Variants in CLIP4 observed in about 807,000 individuals in gnomAD.
CLIP4 encodes the protein CAP-Gly domain-containing linker protein 4.
In CLIP4, 47 loss-of-function variants were observed where a neutral mutation model predicts 73.1. The observed-to-expected ratio is 0.64, with a 90% CI of 0.51 to 0.82. CLIP4 has a LOEUF of 0.82. CLIP4 is among the 40% of genes least tolerant of loss of function. The pLI is 0.00. For missense variants in CLIP4, 874 were observed against 852.9 expected (o/e 1.02, Z -0.31); for synonymous variants, 306 against 295.4 (o/e 1.04, Z -0.37).
At chr2:29,100,049 T>C (rs1380165905) in intron 1 of CLIP4, among the ~76,000 whole-genome samples, 1 of 152,194 alleles carries the variant, frequency 6.6e-6, no homozygotes. Flanking sequence ...TTATTTCAAA[T>C]TTTAATCTGT....
At chr2:29,112,780 G>C (rs1042419355), upstream of CLIP4, among the ~76,000 whole-genome samples, 1 of 152,260 alleles carries the variant, frequency 6.6e-6, no homozygotes, top group South Asian at 2.1e-4. Context: ...AATTCTGACA[G>C]TTGGGTGTCT....
chr2:29,128,866 A>G (rs1424212645), intron 2 of CLIP4, among the ~76,000 whole-genome samples: 2 of 152,130 alleles, frequency 1.3e-5, no homozygotes, highest in Non-Finnish European at 2.9e-5. Flanking sequence ...ATCTATGTAA[A>G]TACACCATAA....
intron 9 of CLIP4, 143 bp from the exon 10 acceptor site, chr2:29,156,211 C>A (rs746973710): frequency 1.8e-6 from 1 of 550,238 alleles, no homozygotes; most frequent in Non-Finnish European, 3.2e-6. Context: ...AAAACATGTC[C>A]TCATATGTCT....
chr2:29,126,710 A>C (rs1461976111), intron 2 of CLIP4, among the ~76,000 whole-genome samples: 3 of 152,210 alleles, frequency 2.0e-5, no homozygotes, highest in African/African-American at 7.2e-5. Context: ...GGTTGATGTC[A>C]TCAGATGTTT....
At chr2:29,122,258 A>G (rs989652496) in intron 2 of CLIP4, among the ~76,000 whole-genome samples, 3 of 117,908 alleles carry the variant, frequency 2.5e-5, no homozygotes, top group Non-Finnish European at 5.4e-5. Context: ...TTTTTTTTGT[A>G]TTCAGATTCT....
chr2:29,106,255 G>T (rs558549926), intron 1 of CLIP4, among the ~76,000 whole-genome samples: 1 of 152,052 alleles, frequency 6.6e-6, no homozygotes, highest in Non-Finnish European at 1.5e-5. Flanking sequence ...AATGCACATC[G>T]CATAGTTTAA....
At chr2:29,160,788 G>A (rs550530221) in intron 12 of CLIP4, among the ~76,000 whole-genome samples, 17 of 152,168 alleles carry the variant, frequency 1.1e-4, no homozygotes, top group African/African-American at 3.9e-4. Flanking sequence ...TTTTTGCTAC[G>A]GATAATCTTT....
At chr2:29,152,029 T>C (rs1486575544) in intron 8 of CLIP4, among the ~76,000 whole-genome samples, 2 of 152,140 alleles carry the variant, frequency 1.3e-5, no homozygotes, top group African/African-American at 4.8e-5. Flanking sequence ...AGGAAGATTA[T>C]ATTTTATAGT....
intron 9 of CLIP4, 138 bp downstream of exon 9, chr2:29,152,966 T>G: frequency 4.4e-6 from 4 of 901,714 alleles, no homozygotes; most frequent in Non-Finnish European, 6.7e-6. Flanking sequence ...ATCTTATGTG[T>G]TTTTAAACCT....
chr2:29,164,095 A>C, intron 13 of CLIP4, 141 bp downstream of exon 13: 1 of 734,554 alleles, frequency 1.4e-6, no homozygotes, highest in Non-Finnish European at 2.1e-6. Context: ...CACCTTCTTC[A>C]GAGAGAAGGC....
chr2:29,180,066 G>C (rs1032857649), intron 15 of CLIP4, among the ~76,000 whole-genome samples: 19 of 152,142 alleles, frequency 1.2e-4, no homozygotes, highest in African/African-American at 3.9e-4. Flanking sequence ...TATGAAATAA[G>C]TAAGACCCAG....
At chr2:29,101,488 C>A (rs905315908) in intron 1 of CLIP4, among the ~76,000 whole-genome samples, 1 of 152,094 alleles carries the variant, frequency 6.6e-6, no homozygotes, top group Non-Finnish European at 1.5e-5. Flanking sequence ...GCCCAGAAAA[C>A]TTAGCCAGTC....
At chr2:29,123,325 T>TTTA (rs1170959969) in intron 2 of CLIP4, among the ~76,000 whole-genome samples, 2 of 152,210 alleles carry the variant, frequency 1.3e-5, no homozygotes, top group Admixed American at 6.5e-5. Flanking sequence ...TGAGCAAGTA[T>TTTA]TTATTGAGGG....
chr2:29,182,056 A>C lies in CLIP4; in HGVS notation c.*163A>C, dbSNP rs1473602403. On this transcript the variant is annotated 3_prime_UTR_variant, in exon 16 of 16. Transcript: ENST00000320081. Reference sequence around the variant, plus strand: ...GAGAGAGTTCTTTACAAAGCCATGAATATGAACTATGGGGAATCATGGTTC... The same window carrying C: ...GAGAGAGTTCTTTACAAAGCCATGACTATGAACTATGGGGAATCATGGTTC... 1.8e-6 allele frequency: 1 copy of C among 541,960 alleles called. No individual in the cohort carries two copies. The highest frequency in any genetic ancestry group is 3.1e-6 in the Non-Finnish European group (1 of 325,412). 33.6% of individuals were successfully genotyped at this position (541,960 alleles called of 1,614,324 possible). A position where few individuals can be genotyped will look rare whatever the true frequency, so the allele number is the denominator to read the frequency against.
intron 1 of CLIP4, among the ~76,000 whole-genome samples, chr2:29,105,837 C>T (rs1668187902): frequency 6.6e-6 from 1 of 152,224 alleles, no homozygotes; most frequent in Non-Finnish European, 1.5e-5. Context: ...CCCCTGCCAG[C>T]CACTGCATCT....
chr2:29,122,851 G>A (rs1488812993), intron 2 of CLIP4, among the ~76,000 whole-genome samples: 27 of 104,274 alleles, frequency 2.6e-4, no homozygotes, highest in East Asian at 8.6e-4. Flanking sequence ...AAAAAAAAAA[G>A]CATTGTAGTC....
At chr2:29,101,462 T>C (rs1668047549) in intron 1 of CLIP4, among the ~76,000 whole-genome samples, 1 of 152,000 alleles carries the variant, frequency 6.6e-6, no homozygotes, top group African/African-American at 2.4e-5. Context: ...GCATCCAGCA[T>C]AGGGGGAATG....
Position 29,138,384 on chromosome 2 carries a change from A to G in CLIP4, c.648+2718A>G, listed in dbSNP as rs151228591. 3.1e-3 allele frequency among the ~76,000 whole-genome samples: 474 copies of G among 151,488 alleles called. 1 individual carries two copies. The highest frequency in any genetic ancestry group is 0.011 in the African/African-American group (449 of 41,358). ...TATGTCTATTTTTTTTAGCAATATC[A>G]TGCTGTTTTGATTACTGGAGTCTTG... On this transcript the variant is annotated intron_variant, in intron 6 of 15. Coordinates refer to ENST00000320081, the MANE Select transcript of CLIP4 (RefSeq NM_024692.6).
intron 1 of CLIP4, among the ~76,000 whole-genome samples, chr2:29,104,319 A>T (rs34212883): frequency 0.079 from 12,056 of 152,194 alleles, 585 homozygotes; most frequent in East Asian, 0.22. Context: ...TCTGTCACCC[A>T]GGCTGGAGTG....
Sources: gnomAD v4.1 joint callset for allele counts (sites outside exome capture counted in the v4.1 genomes callset) on GRCh38, gnomAD v4.1.1 for gene constraint, MANE v1.5 for transcripts, NCBI Gene and HGNC (gene_info 2026-07-23, HGNC 2026-07-21) for gene names.